Variants in CEMIP2 observed in about 807,000 individuals in gnomAD.
CEMIP2 encodes the protein cell migration inducing hyaluronidase 2.
In CEMIP2, 79 loss-of-function variants were observed where a neutral mutation model predicts 146.9. That is an observed-to-expected ratio of 0.54 (90% CI 0.45 to 0.65). The LOEUF is 0.65. Among genes scored for constraint, CEMIP2 ranks in the 30% least tolerant of loss-of-function variants. The probability of loss-of-function intolerance (pLI) is 0.00; values close to 1 mark genes in which losing one functional copy is unlikely to be tolerated. For synonymous variants in CEMIP2, 601 were observed against 606.3 expected (o/e 0.99, Z 0.13); for missense variants, 1,596 against 1,696.2 (o/e 0.94, Z 1.04).
intron 1 of CEMIP2, among the ~76,000 whole-genome samples, chr9:71,753,876 C>T (rs1824331615): frequency 6.6e-6 from 1 of 152,116 alleles, no homozygotes; most frequent in Admixed American, 6.5e-5. Flanking sequence ...CTCTTGCTAT[C>T]GTTAGAGGAT....
chr9:71,703,972 G>T (rs1289091575), intron 18 of CEMIP2, among the ~76,000 whole-genome samples: 1 of 152,070 alleles, frequency 6.6e-6, no homozygotes, highest in African/African-American at 2.4e-5. Context: ...TGTCTACTCT[G>T]AACTCCTAGA....
chr9:71,722,559 C>G, intron 11 of CEMIP2, 44 bp from the exon 12 acceptor site: 1 of 1,418,090 alleles, frequency 7.1e-7, no homozygotes, highest in Non-Finnish European at 9.9e-7. Context: ...TGAATCCCAA[C>G]TTACAACAAC....
Position 71,730,159 on chromosome 9 carries a change from A to G in CEMIP2, c.1868T>C (p.Leu623Pro). ...QRNTLFHNLG[L>P]LTKPGTLLPT... Reference sequence around the variant, plus strand: ...CAGGAGAGTACCCGGCTTGGTGAGGAGTCCCAGATTGTGGAACAAAGTATT... The same window carrying G: ...CAGGAGAGTACCCGGCTTGGTGAGGGGTCCCAGATTGTGGAACAAAGTATT... Residue 623 changes from leucine to proline, a missense_variant, in exon 9 of 24, where the codon CTC becomes CCC. By Grantham distance (98) the Leu-to-Pro change is moderately conservative (BLOSUM62 -3). Transcript: ENST00000377044. 6.2e-7 allele frequency: 1 copy of G among 1,614,162 alleles called. No individual in the cohort carries two copies. The highest frequency in any genetic ancestry group is 8.5e-7 in the Non-Finnish European group (1 of 1,180,038).
chr9:71,714,319 T>C (rs1822988211), intron 15 of CEMIP2, among the ~76,000 whole-genome samples: 1 of 152,198 alleles, frequency 6.6e-6, no homozygotes, highest in Non-Finnish European at 1.5e-5. Flanking sequence ...TAGTTAATAG[T>C]TTCCTTAAAG....
At chr9:71,697,841 T>C in intron 20 of CEMIP2, 144 bp downstream of exon 20, 1 of 798,664 alleles carries the variant, frequency 1.3e-6, no homozygotes, top group South Asian at 1.9e-5. Context: ...GCGCTTCACA[T>C]TTTAGCATGG....
rs1259348768 is a variant in CEMIP2 at position 71,728,256 on chromosome 9, T to TATATATAC, written c.2049+1588_2049+1589insGTATATAT. On this transcript the variant is annotated intron_variant, in intron 10 of 23. Coordinates refer to ENST00000377044, the MANE Select transcript of CEMIP2 (RefSeq NM_013390.3). ...CTATATATATATATATATATGTATA[T>TATATATAC]ACACGTATATATATATATATATATG... 6.2e-4 allele frequency among the ~76,000 whole-genome samples: 19 copies of TATATATAC among 30,722 alleles called. 1 individual carries two copies. Among genetic ancestry groups the TATATATAC allele is most frequent in the African/African-American group, 1.7e-3 (19 of 10,878 alleles). The allele number at this position is 30,722 out of a possible 152,430, so 20.2% of individuals were successfully genotyped here.
chr9:71,705,038 T>A (rs931894738), intron 17 of CEMIP2: 3 of 505,154 alleles, frequency 5.9e-6, no homozygotes, highest in Non-Finnish European at 1.1e-5. Context: ...CATCATCGCT[T>A]CCACCACTAC....
intron 15 of CEMIP2, 59 bp downstream of exon 15, chr9:71,714,875 A>G (rs1029024343): frequency 6.4e-7 from 1 of 1,555,782 alleles, no homozygotes; most frequent in African/African-American, 1.4e-5. Context: ...AACTTCCCTG[A>G]GGGTTAGGTT....
intron 1 of CEMIP2, among the ~76,000 whole-genome samples, chr9:71,762,758 C>A (rs1253023667): frequency 6.6e-6 from 1 of 152,142 alleles, no homozygotes; most frequent in East Asian, 1.9e-4. Flanking sequence ...CGCCTGTAAT[C>A]CCACCACTTT....
intron 1 of CEMIP2, among the ~76,000 whole-genome samples, chr9:71,752,118 C>A (rs915399765): frequency 6.6e-6 from 1 of 152,004 alleles, no homozygotes; most frequent in African/African-American, 2.4e-5. Context: ...GGTTAATTAA[C>A]TTCCCCAAAG....
At chr9:71,690,992 CTGTTTA>C (rs1244955030) in intron 21 of CEMIP2, among the ~76,000 whole-genome samples, 1 of 152,286 alleles carries the variant, frequency 6.6e-6, no homozygotes, top group East Asian at 1.9e-4. Context: ...GGCACTGTTC[CTGTTTA>C]TAAGGTGTAA....
chr9:71,712,602 T>C (rs1468356774), intron 15 of CEMIP2, among the ~76,000 whole-genome samples: 1 of 152,230 alleles, frequency 6.6e-6, no homozygotes, highest in Non-Finnish European at 1.5e-5. Context: ...TAAGATCTTT[T>C]ATTCGGAACC....
At chr9:71,758,306 G>T (rs561850799) in intron 1 of CEMIP2, among the ~76,000 whole-genome samples, 6 of 152,286 alleles carry the variant, frequency 3.9e-5, no homozygotes, top group Non-Finnish European at 8.8e-5. Flanking sequence ...CCACCTGAAG[G>T]TTCACTGAAA....
intron 16 of CEMIP2, among the ~76,000 whole-genome samples, chr9:71,709,758 A>G (rs1450137118): frequency 6.6e-6 from 1 of 152,340 alleles, no homozygotes; most frequent in East Asian, 1.9e-4. Flanking sequence ...CTTAAAAACT[A>G]TTACCTGTTC....
rs993085927 is a variant in CEMIP2 at position 71,731,320 on chromosome 9, G to A, written c.1564-406C>T. Among the ~76,000 whole-genome samples, 94 of 152,068 alleles carry A rather than the reference G, an allele frequency of 6.2e-4. 2 individuals carry two copies. Among genetic ancestry groups the A allele is most frequent in the Admixed American group, 6.2e-3 (94 of 15,274 alleles). On this transcript the variant is annotated intron_variant, in intron 7 of 23. Transcript: ENST00000377044. ...TTTTAGTTAGCACATAATATTGTTG[G>A]CTTAAGTTACTTTTAAAAGTTCTTC...
At chr9:71,704,461 A>G (rs982037723) in intron 18 of CEMIP2, 134 bp downstream of exon 18, 58 of 818,392 alleles carry the variant, frequency 7.1e-5, no homozygotes, top group Non-Finnish European at 1.1e-4. Flanking sequence ...CAAAATATAC[A>G]GCCTCCCCAC....
At chr9:71,738,772 G>A (rs1823832510) in intron 5 of CEMIP2, among the ~76,000 whole-genome samples, 3 of 151,946 alleles carry the variant, frequency 2.0e-5, no homozygotes, top group Admixed American at 6.6e-5. Context: ...GGGAGGCAGA[G>A]GTTGCAATGA....
chr9:71,736,469 T>G (rs117509064), intron 5 of CEMIP2, among the ~76,000 whole-genome samples: 8 of 152,216 alleles, frequency 5.3e-5, no homozygotes, highest in African/African-American at 1.4e-4. Context: ...TGATCTGCAA[T>G]GTAACCTGAG....
intron 4 of CEMIP2, among the ~76,000 whole-genome samples, chr9:71,741,631 G>GTT (rs11334265): frequency 0.19 from 13,940 of 73,296 alleles, 2,863 homozygotes; most frequent in East Asian, 0.25. Flanking sequence ...TTCTTTTCTG[G>GTT]TTTTTTTTTT....
Sources: allele counts gnomAD v4.1 joint callset (sites outside exome capture counted in the v4.1 genomes callset), GRCh38; gene constraint gnomAD v4.1.1; transcripts MANE v1.5; gene names NCBI Gene and HGNC (gene_info 2026-07-23, HGNC 2026-07-21).